Variants in TNFAIP8 observed in about 807,000 individuals in gnomAD.
TNFAIP8 encodes TNF alpha induced protein 8.
In TNFAIP8, 7 loss-of-function variants were observed where a neutral mutation model predicts 13.3. That is an observed-to-expected ratio of 0.52 (90% confidence interval 0.30 to 0.99). TNFAIP8 has a LOEUF of 0.99. TNFAIP8 is among the 50% of genes least tolerant of loss of function. TNFAIP8 has a pLI of 0.07. For missense variants in TNFAIP8, 258 were observed against 236.9 expected, an observed-to-expected ratio of 1.09 and a Z score of -0.58; for synonymous variants, 94 against 87.6, an observed-to-expected ratio of 1.07 and a Z score of -0.41.
chr5:119,338,609 A>G (rs1378150043), intron 1 of TNFAIP8, among the ~76,000 whole-genome samples: 1 of 152,102 alleles, frequency 6.6e-6, no homozygotes, highest in Non-Finnish European at 1.5e-5. Context: ...GGGCTCCTTC[A>G]CTCACTGTCC....
At chr5:119,291,528 AT>A (rs1285142876) in intron 1 of TNFAIP8, among the ~76,000 whole-genome samples, 1 of 152,238 alleles carries the variant, frequency 6.6e-6, no homozygotes, top group Non-Finnish European at 1.5e-5. Context: ...CTCATGGATT[AT>A]TTTTAGCTTC....
Position 119,394,335 on chromosome 5 carries a change from C to T in TNFAIP8, c.*954C>T, listed in dbSNP as rs1024887391. ...AAGAACATGAGCATAAAAATGCGTG[C>T]GTTTCAGTGTTTAAGAAGGCTTGAT... On this transcript the variant is annotated 3_prime_UTR_variant, in exon 2 of 2. Transcript: ENST00000504771. The T allele has an allele frequency of 1.7e-4, 26 of 152,156 alleles. No homozygotes were observed. The highest frequency in any genetic ancestry group is 2.9e-4 in the African/African-American group (12 of 41,496). 9.4% of individuals were successfully genotyped at this position (152,156 alleles called of 1,614,324 possible).
chr5:119,270,307 A>G (rs558897028), intron 1 of TNFAIP8, among the ~76,000 whole-genome samples: 1 of 152,380 alleles, frequency 6.6e-6, no homozygotes, highest in Admixed American at 6.5e-5. Flanking sequence ...TTTGCAGTGT[A>G]AACATATGAC....
At chr5:119,358,581 G>A (rs1751522558) in intron 1 of TNFAIP8, among the ~76,000 whole-genome samples, 1 of 152,144 alleles carries the variant, frequency 6.6e-6, no homozygotes, top group Non-Finnish European at 1.5e-5. Context: ...TAGGAAAGAA[G>A]GGGAAATGAA....
intron 1 of TNFAIP8, among the ~76,000 whole-genome samples, chr5:119,271,556 G>T (rs964609259): frequency 6.6e-6 from 1 of 152,182 alleles, no homozygotes; most frequent in African/African-American, 2.4e-5. Context: ...TCCAGGAGAC[G>T]GGAGAAGCAG....
At chr5:119,372,806 C>T (rs960772549) in intron 1 of TNFAIP8, among the ~76,000 whole-genome samples, 5 of 151,984 alleles carry the variant, frequency 3.3e-5, no homozygotes, top group African/African-American at 1.2e-4. Flanking sequence ...CTAAAATATA[C>T]ACAAATTAGC....
chr5:119,338,858 G>A (rs1447673013), intron 1 of TNFAIP8, among the ~76,000 whole-genome samples: 4 of 152,074 alleles, frequency 2.6e-5, no homozygotes, highest in Non-Finnish European at 4.4e-5. Context: ...GGGCAACATC[G>A]TGAGACTGAG....
At chr5:119,299,138 CG>C (rs1430799043) in intron 1 of TNFAIP8, among the ~76,000 whole-genome samples, 1 of 151,822 alleles carries the variant, frequency 6.6e-6, no homozygotes, top group African/African-American at 2.4e-5. Context: ...AGCTTTGTTC[CG>C]TTCCTGGTGA....
intron 1 of TNFAIP8, among the ~76,000 whole-genome samples, chr5:119,276,653 A>G (rs1475390103): frequency 6.6e-6 from 1 of 152,134 alleles, no homozygotes; most frequent in African/African-American, 2.4e-5. Context: ...GTATTCTCAC[A>G]AGAACATTTC....
chr5:119,309,020 G>A (rs1457777451), intron 1 of TNFAIP8, among the ~76,000 whole-genome samples: 2 of 152,150 alleles, frequency 1.3e-5, no homozygotes, highest in Non-Finnish European at 2.9e-5. Context: ...TTGCTAAACT[G>A]TTTCTTGTTA....
chr5:119,384,982 T>C (rs149647181), intron 1 of TNFAIP8, among the ~76,000 whole-genome samples: 14 of 152,294 alleles, frequency 9.2e-5, no homozygotes, highest in African/African-American at 2.9e-4. Flanking sequence ...CTCAAAATCA[T>C]GATGAAGAGA....
chr5:119,376,416 C>G (rs900121470), intron 1 of TNFAIP8, among the ~76,000 whole-genome samples: 1 of 151,898 alleles, frequency 6.6e-6, no homozygotes, highest in Non-Finnish European at 1.5e-5. Context: ...CCACTGCACC[C>G]GGCAAAAATA....
At position 119,381,836 on chromosome 5, in the gene TNFAIP8, G is replaced by A. The variant is rs570304531; in HGVS notation, c.32-10980G>A. Among the ~76,000 whole-genome samples the A allele has an allele frequency of 5.7e-4, 87 of 152,196 alleles. 2 individuals are homozygous for A. In the South Asian group the frequency reaches 0.015, roughly 26 times the overall value. On this transcript the variant is annotated intron_variant, in intron 1 of 1. Coordinates refer to ENST00000504771, the MANE Select transcript of TNFAIP8 (RefSeq NM_014350.4). Reference sequence around the variant, plus strand: ...AGTCCCAGCTACTCAGAAGGCTGAGGCAGGAGAATCGCTTGAACCCGGGAG... The same window carrying A: ...AGTCCCAGCTACTCAGAAGGCTGAGACAGGAGAATCGCTTGAACCCGGGAG...
intron 1 of TNFAIP8, among the ~76,000 whole-genome samples, chr5:119,387,308 G>T (rs1041371590): frequency 1.3e-5 from 2 of 152,166 alleles, no homozygotes; most frequent in Non-Finnish European, 2.9e-5. Flanking sequence ...TTTATTTAAA[G>T]AACTTTTATT....
At chr5:119,350,894 C>G (rs560679183) in intron 1 of TNFAIP8, among the ~76,000 whole-genome samples, 1 of 152,004 alleles carries the variant, frequency 6.6e-6, no homozygotes, top group Non-Finnish European at 1.5e-5. Flanking sequence ...ATCAGCCTCC[C>G]CAGTCTTATC....
At chr5:119,315,479 A>G (rs933842601) in intron 1 of TNFAIP8, among the ~76,000 whole-genome samples, 2 of 152,228 alleles carry the variant, frequency 1.3e-5, no homozygotes, top group African/African-American at 2.4e-5. Flanking sequence ...CTTATCAAAA[A>G]AACAACAGAC....
chr5:119,371,368 C>A (rs1057444388), intron 1 of TNFAIP8, among the ~76,000 whole-genome samples: 1 of 152,128 alleles, frequency 6.6e-6, no homozygotes, highest in Admixed American at 6.5e-5. Context: ...CCAACAGTAG[C>A]GTCTGTTTCC....
At chr5:119,378,688 G>T (rs1429202529) in intron 1 of TNFAIP8, among the ~76,000 whole-genome samples, 1 of 152,202 alleles carries the variant, frequency 6.6e-6, no homozygotes, top group Admixed American at 6.5e-5. Context: ...AAAGTAGCTG[G>T]TTATTCTGTA....
intron 1 of TNFAIP8, among the ~76,000 whole-genome samples, chr5:119,371,192 T>C (rs1235613564): frequency 2.0e-5 from 3 of 152,214 alleles, no homozygotes; most frequent in Non-Finnish European, 4.4e-5. Context: ...AGCATTCATT[T>C]TGAGTATTTG....
Sources: allele counts gnomAD v4.1 joint callset (sites outside exome capture counted in the v4.1 genomes callset), GRCh38; gene constraint gnomAD v4.1.1; transcripts MANE v1.5; gene names NCBI Gene and HGNC (gene_info 2026-07-23, HGNC 2026-07-21).